RASL12: variants seen among roughly 807,000 people sequenced by gnomAD.
The protein encoded by RASL12 is RAS like family 12.
RASL12 carries 16 observed loss-of-function variants against 22.9 expected under a neutral mutation model. The ratio of observed to expected loss-of-function variants is 0.70; its 90% CI spans 0.47 to 1.06. RASL12 has a LOEUF of 1.06. Among genes scored for constraint, RASL12 ranks in the 50% least tolerant of loss-of-function variants. RASL12 has a pLI of 0.00. For synonymous variants in RASL12, 159 were observed against 152.2 expected, an observed-to-expected ratio of 1.04 and a Z score of -0.33; for missense variants, 306 against 353.1, an observed-to-expected ratio of 0.87 and a Z score of 1.07.
At chr15:65,059,101 C>T (rs1030437284) in intron 3 of RASL12, among the ~76,000 whole-genome samples, 1 of 152,242 alleles carries the variant, frequency 6.6e-6, no homozygotes, top group African/African-American at 2.4e-5. Flanking sequence ...CAGAGCCCCA[C>T]AGCACAGGAT....
chr15:65,073,199 C>T (rs1299561436), intron 1 of RASL12, among the ~76,000 whole-genome samples: 6 of 152,224 alleles, frequency 3.9e-5, no homozygotes, highest in South Asian at 4.1e-4. Context: ...AGTTTTTCCA[C>T]AGACAGCGGA....
In RASL12 at chr15:65,054,751, A is replaced by G; in HGVS notation, c.*148T>C. The G allele has an allele frequency of 6.8e-7, 1 of 1,461,972 alleles. No homozygotes were observed. The allele number at this position is 1,461,972 out of a possible 1,614,324, so 90.6% of individuals were successfully genotyped here. ...GCATCCCTGCCTGCCACTCCAGCTCACACAGTGAATTGAGTGTAGGGACAC... is the reference window on the plus strand; with the variant it reads ...GCATCCCTGCCTGCCACTCCAGCTCGCACAGTGAATTGAGTGTAGGGACAC... On this transcript the variant is annotated 3_prime_UTR_variant, in exon 5 of 5. Transcript: ENST00000220062.
chr15:65,057,805 G>A (rs772663907), intron 4 of RASL12, among the ~76,000 whole-genome samples: 4 of 152,094 alleles, frequency 2.6e-5, no homozygotes, highest in Non-Finnish European at 4.4e-5. Context: ...AGATCGGAAG[G>A]TCAGATAGAT....
downstream of RASL12, among the ~76,000 whole-genome samples, chr15:65,051,767 AAAAC>A (rs58082384): frequency 6.7e-5 from 10 of 150,374 alleles, no homozygotes; most frequent in African/African-American, 1.5e-4. Flanking sequence ...CAAGCTGTTA[AAAAC>A]AAACAAACAA....
chr15:65,048,923 T>A (rs773922247), downstream of RASL12, among the ~76,000 whole-genome samples: 13 of 149,502 alleles, frequency 8.7e-5, no homozygotes, highest in Non-Finnish European at 1.5e-4. Flanking sequence ...GACAGGAGAA[T>A]CGCTTGAACC....
At chr15:65,049,623 G>A (rs930464418), downstream of RASL12, 2 of 156,754 alleles carry the variant, frequency 1.3e-5, no homozygotes, top group African/African-American at 4.8e-5. Flanking sequence ...GGCAGGCGAA[G>A]ACCCGAGATG....
intron 2 of RASL12, among the ~76,000 whole-genome samples, chr15:65,063,113 C>G (rs2919356): frequency 0.86 from 129,956 of 151,982 alleles, 55,625 homozygotes; most frequent in East Asian, 0.99. Flanking sequence ...CATCCGGTGG[C>G]ACCCTGTGAC....
At chr15:65,051,058 G>T (rs938584806), downstream of RASL12, among the ~76,000 whole-genome samples, 1 of 151,866 alleles carries the variant, frequency 6.6e-6, no homozygotes, top group Non-Finnish European at 1.5e-5. Flanking sequence ...TGGCCAGGCT[G>T]GTCTTGAACT....
downstream of RASL12, among the ~76,000 whole-genome samples, chr15:65,050,833 C>CTTTTTTTTTTTTTTTTTTTTTTTTTTT (rs67418433): frequency 4.6e-4 from 41 of 88,596 alleles, no homozygotes; most frequent in East Asian, 1.2e-3. Flanking sequence ...TCTTCTTCTT[C>CTTTTTTTTTTTTTTTTTTTTTTTTTTT]TTCTTTTTTT....
In RASL12 at chr15:65,053,346, T is replaced by A; in HGVS notation, c.*1553A>T. On this transcript the variant is annotated 3_prime_UTR_variant, in exon 5 of 5. Coordinates refer to ENST00000220062, the MANE Select transcript of RASL12 (RefSeq NM_016563.4). ...TGCAAGCAAACTAAAATTCTGTTAT[T>A]AAAAAAAATCTTTTATTAAAATGCT... is the stretch of plus-strand genomic sequence containing the variant. The A allele has an allele frequency of 7.1e-7, 1 of 1,416,258 alleles. No individual in the cohort carries two copies. The highest frequency in any genetic ancestry group is 9.1e-7 in the Non-Finnish European group (1 of 1,093,250). 87.7% of individuals were successfully genotyped at this position (1,416,258 alleles called of 1,614,324 possible).
downstream of RASL12, chr15:65,049,878 C>T (rs990362046): frequency 8.5e-6 from 5 of 589,358 alleles, no homozygotes; most frequent in African/African-American, 3.8e-5. Flanking sequence ...TCCAGTCATG[C>T]TGTCTGCTTT....
rs534677986 is a variant in RASL12 at position 65,063,585 on chromosome 15, G to A, written c.160+1632C>T. Among the ~76,000 whole-genome samples, 3 of 152,302 alleles carry A rather than the reference G, an allele frequency of 2.0e-5. No homozygotes were observed. In the East Asian group the frequency reaches 5.8e-4, roughly 29 times the overall value. ...CTGAAGGGCTGTGCCAAGGCACCGGGGGTCAAGCAGAGCTTCGAGGAACAA... is the reference window on the plus strand; with the variant it reads ...CTGAAGGGCTGTGCCAAGGCACCGGAGGTCAAGCAGAGCTTCGAGGAACAA... On this transcript the variant is annotated intron_variant, in intron 2 of 4. Coordinates refer to ENST00000220062, the MANE Select transcript of RASL12 (RefSeq NM_016563.4).
chr15:65,063,641 C>T (rs1385295764), intron 2 of RASL12, among the ~76,000 whole-genome samples: 2 of 152,228 alleles, frequency 1.3e-5, no homozygotes, highest in Admixed American at 6.5e-5. Context: ...ATGTCACCTG[C>T]CCTGCATCCC....
intron 2 of RASL12, among the ~76,000 whole-genome samples, chr15:65,061,939 A>G (rs1329989159): frequency 6.6e-6 from 1 of 151,606 alleles, no homozygotes; most frequent in Non-Finnish European, 1.5e-5. Context: ...AGTACCAGCT[A>G]CTCGGGTGGC....
At chr15:65,047,834 T>TAGAG in the RASL12 span, among the ~76,000 whole-genome samples, 1 of 139,338 alleles carries the variant, frequency 7.2e-6, no homozygotes, top group African/African-American at 2.6e-5. Context: ...GATAGATAGA[T>TAGAG]AGAATCTCCC....
chr15:65,061,834 G>A (rs529577990), intron 2 of RASL12, among the ~76,000 whole-genome samples: 174 of 151,952 alleles, frequency 1.1e-3, no homozygotes, highest in Admixed American at 2.3e-3. Flanking sequence ...CGGATCACAA[G>A]GTCAGGAGTT....
At chr15:65,050,041 G>C (rs745589743), downstream of RASL12, 14 of 1,551,568 alleles carry the variant, frequency 9.0e-6, no homozygotes, top group East Asian at 3.4e-4. Flanking sequence ...AGACCCAGCC[G>C]GTACTGTGGT....
At chr15:65,067,637 C>G in intron 1 of RASL12, 96 bp downstream of exon 1, 1 of 1,394,798 alleles carries the variant, frequency 7.2e-7, no homozygotes, top group Non-Finnish European at 9.4e-7. Flanking sequence ...GCTCCCCAAG[C>G]CAGTGGAAGA....
chr15:65,068,201 GC>G, upstream of RASL12: 3 of 993,722 alleles, frequency 3.0e-6, no homozygotes, highest in Non-Finnish European at 3.6e-6. The surrounding 1 kb of genome is among the most constrained non-coding windows in gnomAD (Gnocchi z 4.2). Flanking sequence ...CCCAAACCCG[GC>G]CGGGAAGGAG....
Sources: gnomAD v4.1 joint callset for allele counts (sites outside exome capture counted in the v4.1 genomes callset) on GRCh38, gnomAD v4.1.1 for gene constraint, Gnocchi (gnomAD v3.1) non-coding constraint, MANE v1.5 for transcripts, NCBI Gene and HGNC (gene_info 2026-07-23, HGNC 2026-07-21) for gene names.